Variants in CDK15 observed in about 807,000 individuals in gnomAD.
CDK15 encodes the protein cyclin-dependent kinase 15.
Under a neutral mutation model 60.3 loss-of-function variants are expected in CDK15, and 62 were observed. The ratio of observed to expected loss-of-function variants is 1.03; its 90% CI spans 0.84 to 1.27. CDK15 has a LOEUF of 1.27. Among genes scored for constraint, CDK15 ranks in the 50% most tolerant of loss-of-function variants. The pLI is 0.00. For missense variants in CDK15, 541 were observed against 527.8 expected (o/e 1.03, Z -0.25); for synonymous variants, 194 against 195.7 (o/e 0.99, Z 0.07).
In CDK15 at chr2:201,806,610, A is replaced by G; in HGVS notation, c.-55A>G. On this transcript the variant is annotated 5_prime_UTR_variant, in exon 1 of 14. Transcript: ENST00000652192. ...CAAAAAGGGAGAGAACAAGGATAGG[A>G]GAGGCAGTGGGGGAAAGGTTCAAGT... The G allele has an allele frequency of 6.6e-7, 1 of 1,513,566 alleles. No homozygotes were observed. Among genetic ancestry groups the G allele is most frequent in the South Asian group, 1.2e-5 (1 of 81,238 alleles). 93.8% of individuals were successfully genotyped at this position (1,513,566 alleles called of 1,614,324 possible).
chr2:201,870,003 C>T (rs1233370205), intron 10 of CDK15, among the ~76,000 whole-genome samples: 1 of 152,150 alleles, frequency 6.6e-6, no homozygotes, highest in African/African-American at 2.4e-5. Context: ...TAGACAATTG[C>T]TTCTCTTAGT....
chr2:201,846,645 G>A (rs989733948), intron 8 of CDK15, among the ~76,000 whole-genome samples: 1 of 151,666 alleles, frequency 6.6e-6, no homozygotes, highest in African/African-American at 2.4e-5. Context: ...CATTCTTTAA[G>A]CAGGAGTCAA....
intron 10 of CDK15, among the ~76,000 whole-genome samples, chr2:201,855,543 A>G (rs1051254770): frequency 6.6e-6 from 1 of 152,184 alleles, no homozygotes; most frequent in African/African-American, 2.4e-5. Flanking sequence ...GCAGGGCCAC[A>G]TCAGAGGGAT....
intron 10 of CDK15, chr2:201,861,559 TTTTTTC>T: frequency 2.1e-6 from 2 of 935,874 alleles, no homozygotes; most frequent in African/African-American, 2.1e-5. Flanking sequence ...TTGTTTTTTT[TTTTTTC>T]TTTTTTTTTT....
intron 12 of CDK15, 46 bp downstream of exon 12, chr2:201,880,213 T>C (rs2105832394): frequency 2.5e-6 from 4 of 1,603,222 alleles, no homozygotes; most frequent in Non-Finnish European, 3.4e-6. Flanking sequence ...TGTGCGTGAG[T>C]GCGTGTGTGT....
intron 11 of CDK15, among the ~76,000 whole-genome samples, chr2:201,879,287 T>A (rs941506334): frequency 6.6e-6 from 1 of 152,226 alleles, no homozygotes; most frequent in African/African-American, 2.4e-5. Context: ...CTACCCAAGC[T>A]TCACCCTCCA....
In CDK15 at chr2:201,847,368, T is replaced by C; in HGVS notation, c.852-13T>C. ...CTTTCAAAGTGTCAATTTACTCTTA[T>C]TTCATTTGCTAGGGGTGCAGGCTGC... On this transcript the variant is annotated splice_polypyrimidine_tract_variant and intron_variant, in intron 8 of 13. Coordinates refer to ENST00000652192, the MANE Select transcript of CDK15 (RefSeq NM_001366386.2). 6.2e-7 allele frequency: 1 copy of C among 1,609,816 alleles called. No individual in the cohort carries two copies. Among genetic ancestry groups the C allele is most frequent in the Middle Eastern group, 1.7e-4 (1 of 6,048 alleles).
intron 11 of CDK15, among the ~76,000 whole-genome samples, chr2:201,873,893 A>C (rs1383470688): frequency 6.6e-6 from 1 of 152,192 alleles, no homozygotes; most frequent in African/African-American, 2.4e-5. Flanking sequence ...TCTCTACTAA[A>C]AATACAAACA....
intron 6 of CDK15, among the ~76,000 whole-genome samples, chr2:201,829,758 TAA>T (rs1457045809): frequency 2.0e-5 from 3 of 151,992 alleles, no homozygotes; most frequent in South Asian, 4.1e-4. Flanking sequence ...AGAATAACAA[TAA>T]GTTATTATTT....
At chr2:201,807,827 C>A (rs1574839491) in intron 2 of CDK15, 31 bp from the exon 3 acceptor site, 4 of 1,587,872 alleles carry the variant, frequency 2.5e-6, no homozygotes, top group East Asian at 4.5e-5. Context: ...TTCCCTTTCA[C>A]CCGCTCCTTT....
At chr2:201,818,176 G>A (rs952254804) in intron 4 of CDK15, among the ~76,000 whole-genome samples, 1 of 152,162 alleles carries the variant, frequency 6.6e-6, no homozygotes, top group Non-Finnish European at 1.5e-5. Flanking sequence ...TGCTGGAGAT[G>A]CAAAGACAAG....
chr2:201,821,338 T>C (rs1696210824), intron 4 of CDK15, among the ~76,000 whole-genome samples: 2 of 151,914 alleles, frequency 1.3e-5, no homozygotes, highest in South Asian at 4.2e-4. Flanking sequence ...TTCCACCAGA[T>C]GAGCATGGTC....
intron 11 of CDK15, chr2:201,876,482 G>A (rs1424900732): frequency 1.3e-6 from 1 of 751,190 alleles, no homozygotes; most frequent in African/African-American, 1.8e-5. Flanking sequence ...GTGGGGTGGA[G>A]TTGGCTTGTA....
Position 201,895,076 on chromosome 2 carries a change from T to C in CDK15, c.*1809T>C, listed in dbSNP as rs531315962. 2.6e-5 allele frequency: 4 copies of C among 152,306 alleles called. No individual in the cohort carries two copies. Among genetic ancestry groups the C allele is most frequent in the Admixed American group, 2.6e-4 (4 of 15,294 alleles). The allele number at this position is 152,306 out of a possible 1,614,324, so 9.4% of individuals were successfully genotyped here. ...CTACTGTTGACGCATCAGCAAGAGT[T>C]CTTGAGCAGTTTTACCTGTCCATCA... On this transcript the variant is annotated 3_prime_UTR_variant, in exon 14 of 14. Coordinates refer to ENST00000652192, the MANE Select transcript of CDK15 (RefSeq NM_001366386.2).
chr2:201,818,639 T>A (rs1040355929), intron 4 of CDK15, among the ~76,000 whole-genome samples: 1 of 152,222 alleles, frequency 6.6e-6, no homozygotes, highest in South Asian at 2.1e-4. Context: ...GTGAGATAAA[T>A]GCTTTAAACA....
intron 4 of CDK15, among the ~76,000 whole-genome samples, chr2:201,816,469 T>G (rs1489927974): frequency 1.3e-5 from 2 of 148,602 alleles, no homozygotes; most frequent in Non-Finnish European, 3.0e-5. Flanking sequence ...TTTTTTTTTT[T>G]TTTTTTTTTT....
rs747573179 is a variant in CDK15, at chr2:201,806,754, G to T, written c.90G>T (p.Arg30Ser). Residue 30 changes from arginine (R) to serine (S), a missense_variant, in exon 1 of 14, where the codon AGG becomes AGT. Physicochemically the swap from Arg to Ser is moderately radical, Grantham distance 110. Transcript: ENST00000652192. ...SEGGEAHSCR[R>S]SQPETTEAAF... The stretch of plus-strand genomic sequence containing the variant: ...GAGGCGAGGCACACAGCTGTCGGAG[G>T]AGTCAGCCTGAGACCACGGAGGCTG... The T allele has an allele frequency of 6.3e-7, 1 of 1,598,516 alleles. No homozygotes were observed. Among genetic ancestry groups the T allele is most frequent in the Admixed American group, 1.7e-5 (1 of 60,014 alleles).
rs1015258263 is a variant in CDK15 at position 201,882,757 on chromosome 2, G to T, written c.1198+2590G>T. On this transcript the variant is annotated intron_variant, in intron 12 of 13. Coordinates refer to ENST00000652192, the MANE Select transcript of CDK15 (RefSeq NM_001366386.2). The surrounding 1 kb of genome is among the most constrained non-coding windows in gnomAD (Gnocchi z 4.0). Reference sequence around the variant, plus strand: ...ATGTATATAGACAGATGGACAAGTAGATAGAAAAAGCAAAGCTACCAGGAA... The same window carrying T: ...ATGTATATAGACAGATGGACAAGTATATAGAAAAAGCAAAGCTACCAGGAA... Among the ~76,000 whole-genome samples, 2 of 151,884 alleles carry T rather than the reference G, an allele frequency of 1.3e-5. No individual in the cohort carries two copies. The highest frequency in any genetic ancestry group is 4.8e-5 in the African/African-American group (2 of 41,374).
intron 9 of CDK15, among the ~76,000 whole-genome samples, chr2:201,849,843 GAGA>G (rs1322774652): frequency 6.6e-6 from 1 of 150,480 alleles, no homozygotes; most frequent in Non-Finnish European, 1.5e-5. Flanking sequence ...CCTTTTTTTT[GAGA>G]AGGAGTCTTG....
Sources: allele counts gnomAD v4.1 joint callset (sites outside exome capture counted in the v4.1 genomes callset), GRCh38; gene constraint gnomAD v4.1.1; non-coding constraint Gnocchi (gnomAD v3.1); transcripts MANE v1.5; gene names NCBI Gene and HGNC (gene_info 2026-07-23, HGNC 2026-07-21).